Variants in DNAH17 observed in about 807,000 individuals in gnomAD.
The protein encoded by DNAH17 is dynein axonemal heavy chain 17, also known as axonemal beta dynein heavy chain 17.
A neutral mutation model predicts 485.6 loss-of-function variants in DNAH17; 376 were observed. The observed-to-expected ratio is 0.77, with a 90% confidence interval of 0.71 to 0.84. DNAH17 has a LOEUF of 0.84. Ranked by LOEUF, DNAH17 falls within the 40% of genes least tolerant of loss-of-function variation. DNAH17 has a pLI of 0.00. For missense variants in DNAH17, 6,370 were observed against 5,839.3 expected (o/e 1.09, Z -2.96); for synonymous variants, 3,031 against 2,405.9 (o/e 1.26, Z -7.60).
intron 18 of DNAH17, among the ~76,000 whole-genome samples, chr17:78,538,706 G>A (rs904278654): frequency 2.6e-5 from 4 of 152,282 alleles, no homozygotes; most frequent in Middle Eastern, 3.4e-3. Context: ...TTGTTGAGAC[G>A]CTTTCACTGG....
chr17:78,502,678 C>G lies in DNAH17; in HGVS notation c.5103G>C (p.Gln1701His), dbSNP rs750438266. 1 of 1,612,522 alleles carries G rather than the reference C, an allele frequency of 6.2e-7. No homozygotes were observed. The highest frequency in any genetic ancestry group is 8.5e-7 in the Non-Finnish European group (1 of 1,179,936). Reference sequence around the variant, plus strand: ...GGCCCACCTCGGTCGTCCACCAGATCTGGGTGCAAGTCAGGGCCACCTGAA... The same window carrying G: ...GGCCCACCTCGGTCGTCCACCAGATGTGGGTGCAAGTCAGGGCCACCTGAA... The part of the protein sequence containing the change: ...YPAQVALTCT[Q>H]IWWTTEVGLA... Residue 1701 changes from glutamine (Q) to histidine (H), a missense_variant, in exon 33 of 81, where the codon CAG becomes CAC. Physicochemically the swap from Gln to His is conservative, Grantham distance 24. Transcript: ENST00000389840.
intron 37 of DNAH17, among the ~76,000 whole-genome samples, chr17:78,498,589 G>T (rs1426534464): frequency 2.0e-5 from 3 of 152,180 alleles, no homozygotes; most frequent in Non-Finnish European, 4.4e-5. Flanking sequence ...TCTGTGCCCC[G>T]GCATGGTTGT....
chr17:78,486,643 T>C, intron 44 of DNAH17, 137 bp from the exon 45 acceptor site: 2 of 1,149,832 alleles, frequency 1.7e-6, no homozygotes, highest in Non-Finnish European at 2.4e-6. Context: ...TGCATGGCAA[T>C]GGGTCCAAAC....
At chr17:78,483,351 T>C (rs1262719969) in intron 48 of DNAH17, among the ~76,000 whole-genome samples, 1 of 152,240 alleles carries the variant, frequency 6.6e-6, no homozygotes, top group Non-Finnish European at 1.5e-5. Flanking sequence ...CAGTTCTGGC[T>C]GAGCGTGGTG....
intron 58 of DNAH17, among the ~76,000 whole-genome samples, chr17:78,460,831 T>C (rs186480443): frequency 3.0e-4 from 46 of 152,242 alleles, no homozygotes; most frequent in African/African-American, 1.0e-3. Flanking sequence ...TCAGAGTGTA[T>C]AGCTCACACC....
intron 75 of DNAH17, among the ~76,000 whole-genome samples, chr17:78,431,929 T>TG (rs1307444195): frequency 6.6e-6 from 1 of 152,096 alleles, no homozygotes; most frequent in Non-Finnish European, 1.5e-5. Flanking sequence ...CCTAGCACTT[T>TG]GGGAGGCCGA....
intron 12 of DNAH17, among the ~76,000 whole-genome samples, chr17:78,561,146 G>A (rs2092145111): frequency 6.6e-6 from 1 of 152,050 alleles, no homozygotes; most frequent in Non-Finnish European, 1.5e-5. Flanking sequence ...AGCCCAGGAG[G>A]CCAAAATAGA....
At chr17:78,486,694 G>A (rs934859196) in intron 44 of DNAH17, among the ~76,000 whole-genome samples, 188 bp from the exon 45 acceptor site, 7 of 152,162 alleles carry the variant, frequency 4.6e-5, no homozygotes, top group African/African-American at 7.2e-5. Flanking sequence ...TGAAAGGGTC[G>A]GAGGAGGATG....
At chr17:78,433,562 T>G (rs1568044282) in intron 75 of DNAH17, among the ~76,000 whole-genome samples, 7 of 152,178 alleles carry the variant, frequency 4.6e-5, no homozygotes. Context: ...GGAGGTTTTT[T>G]GTCCCTCCTG....
At chr17:78,489,658 C>T (rs1278394487) in intron 44 of DNAH17, 1 of 152,208 alleles carries the variant, frequency 6.6e-6, no homozygotes, top group Non-Finnish European at 1.5e-5. Flanking sequence ...GTTTGTTCCA[C>T]CTGTGAATCC....
At chr17:78,484,748 A>ACCCCCCCCCCCCCCCCCCC in intron 48 of DNAH17, 120 bp downstream of exon 48, 1 of 138,458 alleles carries the variant, frequency 7.2e-6, no homozygotes, top group South Asian at 7.8e-5. Flanking sequence ...CACCCCCCCC[A>ACCCCCCCCCCCCCCCCCCC]CCGCCCCACA....
chr17:78,434,312 G>T, intron 74 of DNAH17, 92 bp from the exon 75 acceptor site: 4 of 1,271,854 alleles, frequency 3.1e-6, no homozygotes, highest in South Asian at 1.5e-5. Context: ...GCCCTTGCCA[G>T]ATGCTTTGCT....
chr17:78,425,593 TAGG>T, intron 79 of DNAH17, 22 bp from the exon 80 acceptor site: 1 of 1,583,536 alleles, frequency 6.3e-7, no homozygotes, highest in Non-Finnish European at 8.6e-7. Context: ...CACGAGCCGC[TAGG>T]AGGAGAGGAC....
intron 21 of DNAH17, among the ~76,000 whole-genome samples, chr17:78,530,099 G>A (rs372906757): frequency 5.8e-4 from 89 of 152,332 alleles, no homozygotes; most frequent in African/African-American, 1.7e-3. Context: ...GGTTTCCTCC[G>A]CATCTGGCAC....
Position 78,494,310 on chromosome 17 carries a change from G to A in DNAH17, c.6271-137C>T. On this transcript the variant is annotated intron_variant, in intron 40 of 80. Transcript: ENST00000389840. ...CCCTCCGATGCACGTGCGTCTGCAA[G>A]TTCTGCTGTCAATGCCGAGAGTTGA... is the stretch of plus-strand genomic sequence containing the variant. The A allele has an allele frequency of 8.4e-6, 11 of 1,310,478 alleles. No individual in the cohort carries two copies. The Middle Eastern group carries it at 5.9e-4, about 70-fold the overall frequency. 81.2% of individuals were successfully genotyped at this position (1,310,478 alleles called of 1,614,324 possible). A position where few individuals can be genotyped will look rare whatever the true frequency, so the allele number is the denominator to read the frequency against.
rs746186430 is a variant in DNAH17, at chr17:78,454,460, C to T, written c.10406+10G>A. On this transcript the variant is annotated intron_variant, in intron 64 of 80. Coordinates refer to ENST00000389840, the MANE Select transcript of DNAH17 (RefSeq NM_173628.4). ...CCGGGCTTCGGCCCAGGTCCTGCGC[C>T]CGCACACACCTCTTCTGTCCCAGGC... 2.8e-5 allele frequency: 45 copies of T among 1,605,854 alleles called. No homozygotes were observed. Among genetic ancestry groups the T allele is most frequent in the Non-Finnish European group, 3.8e-5 (45 of 1,176,020 alleles).
intron 43 of DNAH17, among the ~76,000 whole-genome samples, 165 bp downstream of exon 43, chr17:78,491,278 T>G (rs181923702): frequency 5.9e-5 from 9 of 152,336 alleles, no homozygotes; most frequent in Non-Finnish European, 1.2e-4. Flanking sequence ...TGACAAAGTC[T>G]CACGACAAGG....
chr17:78,466,599 G>C (rs534347065), intron 56 of DNAH17, 56 bp downstream of exon 56: 25 of 1,514,026 alleles, frequency 1.7e-5, no homozygotes, highest in Non-Finnish European at 2.1e-5. Context: ...CAGCCCTTGG[G>C]CCTGTCCTTG....
intron 62 of DNAH17, among the ~76,000 whole-genome samples, chr17:78,457,980 T>G (rs561473577): frequency 6.6e-6 from 1 of 152,220 alleles, no homozygotes; most frequent in East Asian, 1.9e-4. Flanking sequence ...AATTTTTGTA[T>G]TTTTAGTAAG....
Sources: allele counts gnomAD v4.1 joint callset (sites outside exome capture counted in the v4.1 genomes callset), GRCh38; gene constraint gnomAD v4.1.1; transcripts MANE v1.5; gene names NCBI Gene and HGNC (gene_info 2026-07-23, HGNC 2026-07-21).